Variants in PRKG1 observed in about 807,000 individuals in gnomAD.
The protein encoded by PRKG1 is cGMP-dependent protein kinase 1.
In PRKG1, 35 loss-of-function variants were observed where a neutral mutation model predicts 88.1. The observed-to-expected ratio is 0.40, with a 90% CI of 0.30 to 0.53. The LOEUF (loss-of-function observed/expected upper bound fraction) is 0.53. Ranked by LOEUF, PRKG1 falls within the 20% of genes least tolerant of loss-of-function variation. The probability of loss-of-function intolerance (pLI) is 0.59; values close to 1 mark genes in which losing one functional copy is unlikely to be tolerated. For missense variants in PRKG1, 540 were observed against 839.8 expected (o/e 0.64, Z 4.41); for synonymous variants, 303 against 292.5 (o/e 1.04, Z -0.37).
intron 3 of PRKG1, among the ~76,000 whole-genome samples, chr10:51,554,589 A>G (rs547154649): frequency 7.3e-5 from 11 of 151,350 alleles, no homozygotes; most frequent in African/African-American, 2.7e-4. Flanking sequence ...CACTATCTTG[A>G]TTCTTCCTCT....
intron 2 of PRKG1, among the ~76,000 whole-genome samples, chr10:51,343,179 A>T (rs1469326728): frequency 6.6e-6 from 1 of 152,010 alleles, no homozygotes; most frequent in Non-Finnish European, 1.5e-5. Context: ...CAGTAACTCA[A>T]CTCATGTTGT....
At chr10:51,731,833 G>A (rs761614428) in intron 3 of PRKG1, among the ~76,000 whole-genome samples, 19 of 152,176 alleles carry the variant, frequency 1.2e-4, no homozygotes, top group Non-Finnish European at 2.1e-4. Flanking sequence ...AAGTTCTGGA[G>A]GCTAGAAGTT....
At chr10:51,888,913 A>T (rs1014305332) in intron 4 of PRKG1, among the ~76,000 whole-genome samples, 4 of 152,174 alleles carry the variant, frequency 2.6e-5, no homozygotes, top group Admixed American at 1.3e-4. Context: ...CAGAGAGGTA[A>T]ATTAACTTAT....
chr10:51,601,721 A>ATTTTTT lies in PRKG1; in HGVS notation c.592+133928_592+133933dup, dbSNP rs749205610. 7.3e-4 allele frequency among the ~76,000 whole-genome samples: 32 copies of ATTTTTT among 43,572 alleles called. 1 individual carries two copies. Among genetic ancestry groups the ATTTTTT allele is most frequent in the Non-Finnish European group, 1.1e-3 (25 of 22,066 alleles). The allele number at this position is 43,572 out of a possible 152,430, so 28.6% of individuals were successfully genotyped here. A position where few individuals can be genotyped will look rare whatever the true frequency, so the allele number is the denominator to read the frequency against. The stretch of plus-strand genomic sequence containing the variant: ...TTTTAGAAATAAAGTGGCAGATTGA[A>ATTTTTT]TTTTTTTTTTTTTTTTTTTTTTTTT... On this transcript the variant is annotated intron_variant, in intron 3 of 17. Coordinates refer to ENST00000373980, the MANE Select transcript of PRKG1 (RefSeq NM_006258.4).
intron 2 of PRKG1, among the ~76,000 whole-genome samples, chr10:51,399,678 G>A (rs377239007): frequency 1.3e-5 from 2 of 152,150 alleles, no homozygotes; most frequent in Non-Finnish European, 2.9e-5. Flanking sequence ...ACCTAGATTT[G>A]AACAACCTGA....
chr10:51,625,680 G>A (rs574704624), intron 3 of PRKG1, among the ~76,000 whole-genome samples: 2 of 151,000 alleles, frequency 1.3e-5, no homozygotes, highest in African/African-American at 4.9e-5. Context: ...AATGGGTGGA[G>A]TTTATGATAT....
chr10:51,359,596 G>A (rs1243729514), intron 2 of PRKG1, among the ~76,000 whole-genome samples: 1 of 151,714 alleles, frequency 6.6e-6, no homozygotes, highest in Non-Finnish European at 1.5e-5. Flanking sequence ...TTAAAGAAAT[G>A]AAACATCTTT....
intron 3 of PRKG1, among the ~76,000 whole-genome samples, chr10:51,481,207 C>T (rs1184507682): frequency 1.4e-5 from 2 of 145,176 alleles, no homozygotes; most frequent in Non-Finnish European, 3.0e-5. Context: ...CTCCCTCCCT[C>T]CTTTCGTTCC....
intron 5 of PRKG1, among the ~76,000 whole-genome samples, chr10:51,931,541 G>A (rs74132815): frequency 1.3e-3 from 198 of 152,290 alleles, no homozygotes; most frequent in African/African-American, 4.6e-3. Flanking sequence ...TGTTATCAAT[G>A]AGGAAGCCAG....
At chr10:51,290,613 G>A (rs948496639) in intron 2 of PRKG1, among the ~76,000 whole-genome samples, 2 of 152,082 alleles carry the variant, frequency 1.3e-5, no homozygotes, top group Non-Finnish European at 2.9e-5. Flanking sequence ...TCTTATTCCT[G>A]AGTAAAGGAA....
intron 8 of PRKG1, among the ~76,000 whole-genome samples, chr10:52,150,258 A>G (rs1231214757): frequency 6.6e-6 from 1 of 151,850 alleles, no homozygotes. Flanking sequence ...AGACACAACT[A>G]TTAACTAGAT....
intron 4 of PRKG1, among the ~76,000 whole-genome samples, chr10:51,906,326 G>A (rs1564702219): frequency 6.6e-6 from 1 of 152,148 alleles, no homozygotes; most frequent in Non-Finnish European, 1.5e-5. Context: ...TTCATTCTGA[G>A]CCAAATGTGA....
At chr10:51,546,872 T>C (rs1410715401) in intron 3 of PRKG1, among the ~76,000 whole-genome samples, 1 of 152,114 alleles carries the variant, frequency 6.6e-6, no homozygotes, top group African/African-American at 2.4e-5. Flanking sequence ...CTCCACTTTA[T>C]ACTTTGCCTG....
At chr10:52,016,344 A>G (rs1338464607) in intron 5 of PRKG1, among the ~76,000 whole-genome samples, 1 of 152,198 alleles carries the variant, frequency 6.6e-6, no homozygotes, top group East Asian at 1.9e-4. Flanking sequence ...GGAATCTGCC[A>G]AACAGTTTTA....
intron 5 of PRKG1, among the ~76,000 whole-genome samples, chr10:52,007,700 A>C (rs540296915): frequency 1.3e-5 from 2 of 152,300 alleles, no homozygotes; most frequent in East Asian, 3.9e-4. Flanking sequence ...CTCCACTGAC[A>C]GTATTAAACA....
chr10:51,040,429 C>T (rs1008902745), intron 1 of PRKG1, among the ~76,000 whole-genome samples: 1 of 134,342 alleles, frequency 7.4e-6, no homozygotes, highest in African/African-American at 2.8e-5. Flanking sequence ...AGCAATTATT[C>T]TGCCTCAGCC....
intron 5 of PRKG1, among the ~76,000 whole-genome samples, chr10:52,001,389 A>G (rs1379968020): frequency 6.6e-6 from 1 of 151,794 alleles, no homozygotes; most frequent in African/African-American, 2.4e-5. Context: ...TAACTATGTG[A>G]GGTGATGCAT....
chr10:51,991,633 T>C (rs779034530), intron 5 of PRKG1, among the ~76,000 whole-genome samples: 3 of 152,210 alleles, frequency 2.0e-5, no homozygotes, highest in Non-Finnish European at 4.4e-5. Flanking sequence ...ATGCAGTGTT[T>C]GGTTTTTTGT....
chr10:52,085,611 AC>A (rs1846892307), intron 7 of PRKG1, among the ~76,000 whole-genome samples: 1 of 152,092 alleles, frequency 6.6e-6, no homozygotes, highest in Non-Finnish European at 1.5e-5. Context: ...TTCTGTCTCA[AC>A]TTTGGAGTCA....
Sources: gnomAD v4.1 joint callset for allele counts (sites outside exome capture counted in the v4.1 genomes callset) on GRCh38, gnomAD v4.1.1 for gene constraint, MANE v1.5 for transcripts, NCBI Gene and HGNC (gene_info 2026-07-23, HGNC 2026-07-21) for gene names.